The following SERINC5 variants were observed in gnomAD, a reference collection of about 807,000 sequenced individuals.
SERINC5 encodes the protein serine incorporator 5, also known as chromosome 5 open reading frame 12.
SERINC5 carries 41 observed loss-of-function variants against 63.1 expected under a neutral mutation model. The ratio of observed to expected loss-of-function variants is 0.65; its 90% confidence interval spans 0.51 to 0.84. The LOEUF is 0.84. Among genes scored for constraint, SERINC5 ranks in the 40% least tolerant of loss-of-function variants. The probability of loss-of-function intolerance (pLI) is 0.00; values close to 1 mark genes in which losing one functional copy is unlikely to be tolerated. For synonymous variants in SERINC5, 222 were observed against 215.2 expected, an observed-to-expected ratio of 1.03 and a Z score of -0.28; for missense variants, 523 against 573.0, an observed-to-expected ratio of 0.91 and a Z score of 0.89.
chr5:80,189,311 C>T (rs1749035356), intron 2 of SERINC5, among the ~76,000 whole-genome samples: 2 of 152,120 alleles, frequency 1.3e-5, no homozygotes, highest in Non-Finnish European at 2.9e-5. Flanking sequence ...TGTGCTGCCC[C>T]GGCAAGGTCA....
intron 11 of SERINC5, among the ~76,000 whole-genome samples, chr5:80,115,927 A>T (rs1439880366): frequency 6.6e-6 from 1 of 152,108 alleles, no homozygotes; most frequent in East Asian, 1.9e-4. Flanking sequence ...AAGGAGGGAA[A>T]GCCTTGATAA....
At chr5:80,236,013 A>G (rs1026512509) in intron 1 of SERINC5, among the ~76,000 whole-genome samples, 1 of 152,164 alleles carries the variant, frequency 6.6e-6, no homozygotes, top group Non-Finnish European at 1.5e-5. Flanking sequence ...AATACTTTTA[A>G]TGGACTCCTT....
intron 1 of SERINC5, among the ~76,000 whole-genome samples, chr5:80,220,819 G>A (rs936407596): frequency 5.3e-5 from 8 of 152,216 alleles, no homozygotes; most frequent in South Asian, 2.1e-4. Flanking sequence ...TGGTGGGAGT[G>A]GTGGTGGTAG....
chr5:80,215,037 A>C (rs773627003), intron 1 of SERINC5, among the ~76,000 whole-genome samples: 3 of 152,266 alleles, frequency 2.0e-5, no homozygotes, highest in Non-Finnish European at 4.4e-5. Context: ...GAAGCAATTA[A>C]AAATAAAATA....
rs1157362347 is a variant in SERINC5, at chr5:80,198,706, CT to C, written c.195+4179del. 7 of 982,550 alleles carry C rather than the reference CT, an allele frequency of 7.1e-6. No homozygotes were observed. In the African/African-American group the frequency reaches 1.3e-4, roughly 18 times the overall value. The allele number at this position is 982,550 out of a possible 1,614,324, so 60.9% of individuals were successfully genotyped here. On this transcript the variant is annotated intron_variant, in intron 2 of 11. Coordinates refer to ENST00000507668, the MANE Select transcript of SERINC5 (RefSeq NM_001174072.3). ...TTCAACACCCGCCCGCAAGCACCCC[CT>C]GAGGATGAGGTCAGCCTCTCTTCTG...
Position 80,141,936 on chromosome 5 carries a change from C to A in SERINC5, c.*1727G>T. ...ATTCATCCCCTGTAATTTGTTTCCC[C>A]ATGGGTTTTCTTGGGAGAAGGGCAA... On this transcript the variant is annotated 3_prime_UTR_variant, in exon 12 of 12. Transcript: ENST00000507668. 1 of 985,308 alleles carries A rather than the reference C, an allele frequency of 1.0e-6. No individual in the cohort carries two copies. The highest frequency in any genetic ancestry group is 1.7e-5 in the African/African-American group (1 of 57,312). The allele number at this position is 985,308 out of a possible 1,614,324, so 61.0% of individuals were successfully genotyped here.
chr5:80,141,770 A>G lies in SERINC5; in HGVS notation c.*1893T>C. On this transcript the variant is annotated 3_prime_UTR_variant, in exon 12 of 12. Coordinates refer to ENST00000507668, the MANE Select transcript of SERINC5 (RefSeq NM_001174072.3). ...TTTTGCGACTCCAGATGAATCTTTT[A>G]ACTGCTGAGTACAGAGCTCCTGCCC... 1.0e-6 allele frequency: 1 copy of G among 985,256 alleles called. No homozygotes were observed. The highest frequency in any genetic ancestry group is 1.2e-6 in the Non-Finnish European group (1 of 829,804). The allele number at this position is 985,256 out of a possible 1,614,324, so 61.0% of individuals were successfully genotyped here. A position where few individuals can be genotyped will look rare whatever the true frequency, so the allele number is the denominator to read the frequency against.
At position 80,158,971 on chromosome 5, in the gene SERINC5, G is replaced by C; in HGVS notation, c.860-9C>G. The C allele has an allele frequency of 1.9e-6, 3 of 1,612,740 alleles. No homozygotes were observed. Among genetic ancestry groups the C allele is most frequent in the African/African-American group, 1.3e-5 (1 of 74,970 alleles). On this transcript the variant is annotated splice_polypyrimidine_tract_variant and intron_variant, in intron 7 of 11. Coordinates refer to ENST00000507668, the MANE Select transcript of SERINC5 (RefSeq NM_001174072.3). ...CCCATGTTCATCTAGAACTTGAAAA[G>C]AAAAAACAAAGTCATCACAGTCAAG...
At chr5:80,156,979 AG>A (rs1276416810) in intron 8 of SERINC5, 2 of 146,324 alleles carry the variant, frequency 1.4e-5, no homozygotes, top group Non-Finnish European at 3.0e-5. Flanking sequence ...CTTTATTTAA[AG>A]GGTTTTTTTT....
Position 80,140,739 on chromosome 5 carries a change from C to T in SERINC5, c.*2924G>A. 1.0e-6 allele frequency: 1 copy of T among 985,284 alleles called. No homozygotes were observed. Among genetic ancestry groups the T allele is most frequent in the Non-Finnish European group, 1.2e-6 (1 of 829,898 alleles). 61.0% of individuals were successfully genotyped at this position (985,284 alleles called of 1,614,324 possible). A position where few individuals can be genotyped will look rare whatever the true frequency, so the allele number is the denominator to read the frequency against. On this transcript the variant is annotated 3_prime_UTR_variant, in exon 12 of 12. Transcript: ENST00000507668. The stretch of plus-strand genomic sequence containing the variant: ...CATAAGAACCCCCACCCCCCTGCCA[C>T]CCACTTAGTGTTTTTACTCATAAAA...
At chr5:80,146,370 C>T in intron 10 of SERINC5, 136 bp from the exon 11 acceptor site, 3 of 967,978 alleles carry the variant, frequency 3.1e-6, no homozygotes, top group Non-Finnish European at 4.7e-6. Context: ...CTGGCAACTT[C>T]AATCTGTGCC....
intron 11 of SERINC5, among the ~76,000 whole-genome samples, chr5:80,131,867 T>C (rs1744961455): frequency 6.6e-6 from 1 of 152,156 alleles, no homozygotes; most frequent in South Asian, 2.1e-4. Context: ...ACGAACAGAA[T>C]CTAGTTCTGT....
exon 12 of SERINC5, chr5:80,113,614 T>C (rs1209794928): frequency 3.5e-6 from 1 of 284,570 alleles, no homozygotes; most frequent in Non-Finnish European, 7.2e-6. Context: ...TGGCAGGAGG[T>C]GAAAGGCACT....
chr5:80,210,874 T>C (rs73774204), intron 1 of SERINC5, among the ~76,000 whole-genome samples: 4,683 of 152,240 alleles, frequency 0.031, 212 homozygotes, highest in African/African-American at 0.11. Context: ...TCAACAGGTT[T>C]CATCTCACAT....
chr5:80,192,867 G>C (rs1749277516), intron 2 of SERINC5, among the ~76,000 whole-genome samples: 2 of 152,154 alleles, frequency 1.3e-5, no homozygotes, highest in Admixed American at 1.3e-4. Flanking sequence ...GTTACCACGT[G>C]ACTCCGAAGG....
chr5:80,125,988 G>A (rs970012569), intron 11 of SERINC5, among the ~76,000 whole-genome samples: 4 of 152,206 alleles, frequency 2.6e-5, no homozygotes, highest in African/African-American at 9.7e-5. Flanking sequence ...TCAGTTCAGA[G>A]ACTCTATCAG....
chr5:80,254,606 A>G (rs1752566419), intron 1 of SERINC5, among the ~76,000 whole-genome samples: 1 of 152,200 alleles, frequency 6.6e-6, no homozygotes, highest in Non-Finnish European at 1.5e-5. Context: ...AAACGGGAAT[A>G]AAAGATTTGC....
intron 5 of SERINC5, among the ~76,000 whole-genome samples, chr5:80,170,778 G>A (rs1443893268): frequency 6.6e-6 from 1 of 152,174 alleles, no homozygotes; most frequent in Non-Finnish European, 1.5e-5. Context: ...CACTTTGAGA[G>A]GCCGAGGCAG....
intron 1 of SERINC5, among the ~76,000 whole-genome samples, chr5:80,223,499 G>A (rs1751013837): frequency 6.6e-6 from 1 of 152,062 alleles, no homozygotes; most frequent in Non-Finnish European, 1.5e-5. Flanking sequence ...CACGGATACA[G>A]AGGGCTGACT....
Sources: gnomAD v4.1 joint callset for allele counts (sites outside exome capture counted in the v4.1 genomes callset) on GRCh38, gnomAD v4.1.1 for gene constraint, MANE v1.5 for transcripts, NCBI Gene and HGNC (gene_info 2026-07-23, HGNC 2026-07-21) for gene names.